SPSB4: variants seen among roughly 807,000 people sequenced by gnomAD.
SPSB4 encodes SPRY domain-containing SOCS box protein 4.
Under a neutral mutation model 20.9 loss-of-function variants are expected in SPSB4, and 21 were observed. The observed-to-expected ratio is 1.01, with a 90% confidence interval of 0.71 to 1.45. The LOEUF is 1.45. Among genes scored for constraint, SPSB4 ranks in the 40% most tolerant of loss-of-function variants. The pLI, the probability that SPSB4 is intolerant of heterozygous loss-of-function variation, is 0.00. For synonymous variants in SPSB4, 207 were observed against 183.8 expected (o/e 1.13, Z -1.02); for missense variants, 399 against 399.2 (o/e 1.00, Z 0.00).
At chr3:141,142,395 G>A (rs1939344161) in intron 2 of SPSB4, among the ~76,000 whole-genome samples, 1 of 152,090 alleles carries the variant, frequency 6.6e-6, no homozygotes, top group Non-Finnish European at 1.5e-5. Context: ...TTCCACTGTG[G>A]TCTGAGAGGA....
At chr3:141,056,548 G>A (rs936570282) in intron 1 of SPSB4, among the ~76,000 whole-genome samples, 8 of 152,276 alleles carry the variant, frequency 5.3e-5, no homozygotes, top group African/African-American at 1.9e-4. Flanking sequence ...GGCATGAATA[G>A]TTCTGCTTTT....
chr3:141,100,065 G>A (rs1938593148), intron 2 of SPSB4, among the ~76,000 whole-genome samples: 1 of 152,296 alleles, frequency 6.6e-6, no homozygotes, highest in South Asian at 2.1e-4. Flanking sequence ...TTGCACAAGT[G>A]TCTCACTCTC....
chr3:141,119,207 T>C (rs1938925705), intron 2 of SPSB4, among the ~76,000 whole-genome samples: 1 of 152,240 alleles, frequency 6.6e-6, no homozygotes, highest in East Asian at 1.9e-4. Context: ...GTCCTTCACA[T>C]CCCTTGTAAG....
intron 2 of SPSB4, among the ~76,000 whole-genome samples, chr3:141,091,013 C>G (rs1257187470): frequency 1.3e-5 from 2 of 152,226 alleles, no homozygotes; most frequent in East Asian, 1.9e-4. Flanking sequence ...GTTTTGGGCC[C>G]AAGTGACTGG....
intron 1 of SPSB4, among the ~76,000 whole-genome samples, chr3:141,061,738 C>CTTTTTTTTTTTTT (rs71151410): frequency 2.1e-5 from 2 of 94,854 alleles, no homozygotes; most frequent in African/African-American, 3.6e-5. Context: ...TTCTTTCTTT[C>CTTTTTTTTTTTTT]TTTTTTTTTT....
At chr3:141,057,009 G>A (rs1937658620) in intron 1 of SPSB4, among the ~76,000 whole-genome samples, 1 of 152,260 alleles carries the variant, frequency 6.6e-6, no homozygotes, top group South Asian at 2.1e-4. Context: ...ACGCGTGGGA[G>A]GATTCCCATG....
rs553763003 is a variant in SPSB4 at position 141,088,326 on chromosome 3, C to T, written c.694+21528C>T. Among the ~76,000 whole-genome samples the T allele has an allele frequency of 7.2e-5, 11 of 152,314 alleles. No individual in the cohort carries two copies. The East Asian group carries it at 1.7e-3, about 24-fold the overall frequency. Reference sequence around the variant, plus strand: ...AGGTATATTCCAAACAGGCTATTGACGATTACTTCTAGGTGGCAGGATAAG... The same window carrying T: ...AGGTATATTCCAAACAGGCTATTGATGATTACTTCTAGGTGGCAGGATAAG... On this transcript the variant is annotated intron_variant, in intron 2 of 2. Coordinates refer to ENST00000310546, the MANE Select transcript of SPSB4 (RefSeq NM_080862.3).
At chr3:141,133,603 T>A (rs1939170073) in intron 2 of SPSB4, among the ~76,000 whole-genome samples, 1 of 152,156 alleles carries the variant, frequency 6.6e-6, no homozygotes, top group African/African-American at 2.4e-5. Flanking sequence ...TGGCTGTGGG[T>A]ATTTGGCTTT....
At chr3:141,124,164 A>G (rs1389992863) in intron 2 of SPSB4, 1 of 152,188 alleles carries the variant, frequency 6.6e-6, no homozygotes, top group African/African-American at 2.4e-5. Context: ...TGGGTTTCTC[A>G]TTCTCATTGA....
intron 2 of SPSB4, among the ~76,000 whole-genome samples, chr3:141,081,853 G>A (rs941327866): frequency 7.9e-5 from 12 of 152,206 alleles, no homozygotes; most frequent in Non-Finnish European, 1.5e-5. Flanking sequence ...CCTGGACGGC[G>A]TTAGGGGCTA....
intron 2 of SPSB4, among the ~76,000 whole-genome samples, chr3:141,079,264 C>CAAAA (rs112482116): frequency 8.2e-6 from 1 of 122,128 alleles, no homozygotes. Context: ...GACTCCATCT[C>CAAAA]AAAAAAAAAA....
At chr3:141,091,122 C>T (rs530090527) in intron 2 of SPSB4, among the ~76,000 whole-genome samples, 5 of 152,236 alleles carry the variant, frequency 3.3e-5, no homozygotes, top group Non-Finnish European at 4.4e-5. Context: ...AGATGCCCAT[C>T]GGACATCCAT....
Position 141,090,466 on chromosome 3 carries a change from T to C in SPSB4, c.694+23668T>C, listed in dbSNP as rs187484669. Among the ~76,000 whole-genome samples the C allele has an allele frequency of 9.4e-4, 143 of 152,154 alleles. 3 individuals carry two copies. The highest frequency in any genetic ancestry group is 3.2e-3 in the African/African-American group (132 of 41,482). ...CTGGGGCTTGCAATTTTAAATAAGA[T>C]GGTTGAGAAACTCGTGGAGAAAGTG... On this transcript the variant is annotated intron_variant, in intron 2 of 2. Coordinates refer to ENST00000310546, the MANE Select transcript of SPSB4 (RefSeq NM_080862.3).
rs141630437 is a variant in SPSB4 at position 141,053,101 on chromosome 3, C to G, written c.-154+1109C>G. Among the ~76,000 whole-genome samples the G allele has an allele frequency of 6.2e-3, 948 of 152,190 alleles. 14 individuals carry two copies. The highest frequency in any genetic ancestry group is 0.022 in the African/African-American group (916 of 41,542). On this transcript the variant is annotated intron_variant, in intron 1 of 2. Transcript: ENST00000310546. ...TTGGGCAAGTTCTCTAACCTCCCCCCGCTTGGTTTCCTCTTCTGCGCCCCA... is the reference window on the plus strand; with the variant it reads ...TTGGGCAAGTTCTCTAACCTCCCCCGGCTTGGTTTCCTCTTCTGCGCCCCA...
chr3:141,070,184 C>G (rs1937970509), intron 2 of SPSB4, among the ~76,000 whole-genome samples: 1 of 152,058 alleles, frequency 6.6e-6, no homozygotes, highest in African/African-American at 2.4e-5. Flanking sequence ...AGAAGCTGTC[C>G]CAGGGGTTGT....
At chr3:141,135,262 G>T (rs1939206835) in intron 2 of SPSB4, among the ~76,000 whole-genome samples, 1 of 151,520 alleles carries the variant, frequency 6.6e-6, no homozygotes, top group Non-Finnish European at 1.5e-5. Flanking sequence ...GTTTTGTGTG[G>T]CATTGCATTG....
chr3:141,137,358 C>A (rs1415460651), intron 2 of SPSB4, among the ~76,000 whole-genome samples: 3 of 152,210 alleles, frequency 2.0e-5, no homozygotes, highest in African/African-American at 7.2e-5. Flanking sequence ...CTGTCCAGAA[C>A]TTCCAACACT....
intron 2 of SPSB4, among the ~76,000 whole-genome samples, chr3:141,089,872 C>G (rs1387068856): frequency 2.0e-5 from 3 of 152,172 alleles, no homozygotes; most frequent in African/African-American, 4.8e-5. Flanking sequence ...TTGGGAAAGT[C>G]ACTCTAGGTC....
At chr3:141,103,616 A>G (rs1419849473) in intron 2 of SPSB4, among the ~76,000 whole-genome samples, 1 of 152,202 alleles carries the variant, frequency 6.6e-6, no homozygotes, top group Admixed American at 6.5e-5. Flanking sequence ...TCCGCACAAC[A>G]AACCACAAAT....
Sources: gnomAD v4.1 joint callset for allele counts (sites outside exome capture counted in the v4.1 genomes callset) on GRCh38, gnomAD v4.1.1 for gene constraint, MANE v1.5 for transcripts, NCBI Gene and HGNC (gene_info 2026-07-23, HGNC 2026-07-21) for gene names.